The following DMRT1 variants were observed in gnomAD, a reference collection of about 807,000 sequenced individuals.
The protein encoded by DMRT1 is doublesex- and mab-3-related transcription factor 1.
In DMRT1, 7 loss-of-function variants were observed where a neutral mutation model predicts 32.3. That is an observed-to-expected ratio of 0.22 (90% CI 0.12 to 0.41). The LOEUF (loss-of-function observed/expected upper bound fraction) is 0.41. Ranked by LOEUF, DMRT1 falls within the 10% of genes least tolerant of loss-of-function variation. The pLI is 1.00. For missense variants in DMRT1, 625 were observed against 500.5 expected, an observed-to-expected ratio of 1.25 and a Z score of -2.37; for synonymous variants, 278 against 206.1, an observed-to-expected ratio of 1.35 and a Z score of -2.99.
At position 896,299 on chromosome 9, in the gene DMRT1, T is replaced by C. The variant is rs1342153352; in HGVS notation, c.822+2104T>C. Among the ~76,000 whole-genome samples, 14 of 147,662 alleles carry C rather than the reference T, an allele frequency of 9.5e-5. 1 individual carries two copies. The highest frequency in any genetic ancestry group is 6.0e-4 in the Admixed American group (9 of 14,880). On this transcript the variant is annotated intron_variant, in intron 3 of 4. Coordinates refer to ENST00000382276, the MANE Select transcript of DMRT1 (RefSeq NM_021951.3). The stretch of plus-strand genomic sequence containing the variant: ...TCTTGTCTTTTCTTTTTTTTTTTTT[T>C]TTTTCCTGAGACAGAGTCTCACTCT...
chr9:864,790 G>A lies in DMRT1; in HGVS notation c.538+17647G>A, dbSNP rs186227398. On this transcript the variant is annotated intron_variant, in intron 2 of 4. Coordinates refer to ENST00000382276, the MANE Select transcript of DMRT1 (RefSeq NM_021951.3). Reference sequence around the variant, plus strand: ...GCTGGGATTACAGGCGTGAGCCACCGTGCCCGCCAGCCAGTATTCTTTTAA... The same window carrying A: ...GCTGGGATTACAGGCGTGAGCCACCATGCCCGCCAGCCAGTATTCTTTTAA... Among the ~76,000 whole-genome samples the A allele has an allele frequency of 7.6e-3, 1,153 of 152,122 alleles. 5 individuals are homozygous for A. The highest frequency in any genetic ancestry group is 0.012 in the Non-Finnish European group (807 of 67,960).
chr9:909,074 T>G (rs1817881456), intron 3 of DMRT1, among the ~76,000 whole-genome samples: 1 of 151,934 alleles, frequency 6.6e-6, no homozygotes, highest in Non-Finnish European at 1.5e-5. Flanking sequence ...CTTTCCTCCC[T>G]CTAGGAGGGA....
At chr9:881,401 C>G (rs1816731791) in intron 2 of DMRT1, among the ~76,000 whole-genome samples, 1 of 152,216 alleles carries the variant, frequency 6.6e-6, no homozygotes, top group Admixed American at 6.5e-5. Context: ...TACTCCTTCA[C>G]ATCACTTTCT....
chr9:936,421 T>G (rs1311569624), intron 4 of DMRT1, among the ~76,000 whole-genome samples: 1 of 152,102 alleles, frequency 6.6e-6, no homozygotes, highest in Non-Finnish European at 1.5e-5. Flanking sequence ...CTTCTTCCAC[T>G]TAACATCTCC....
chr9:904,468 A>G (rs1817696216), intron 3 of DMRT1, among the ~76,000 whole-genome samples: 1 of 152,230 alleles, frequency 6.6e-6, no homozygotes, highest in South Asian at 2.1e-4. Context: ...ATACCATAAT[A>G]GAAATAGGAT....
At position 841,763 on chromosome 9, in the gene DMRT1, C is replaced by G. The variant is rs1180356155; in HGVS notation, c.-76C>G. ...GCCTCCTCCTCCGGAGCGTCGCTGT[C>G]CGTCGGGTTCATCCCTCGCAGCAGT... On this transcript the variant is annotated 5_prime_UTR_variant, in exon 1 of 5. Coordinates refer to ENST00000382276, the MANE Select transcript of DMRT1 (RefSeq NM_021951.3). 3 of 1,552,178 alleles carry G rather than the reference C, an allele frequency of 1.9e-6. No individual in the cohort carries two copies. Among genetic ancestry groups the G allele is most frequent in the African/African-American group, 1.4e-5 (1 of 73,364 alleles).
chr9:862,753 G>A (rs1350214327), intron 2 of DMRT1, among the ~76,000 whole-genome samples: 1 of 151,882 alleles, frequency 6.6e-6, no homozygotes, highest in East Asian at 1.9e-4. Flanking sequence ...TGTTGTCAAT[G>A]GTATTCCCTT....
chr9:951,809 GGACCAGGCAAACACATAATAGA>G (rs1436857231), intron 4 of DMRT1, among the ~76,000 whole-genome samples: 1 of 152,162 alleles, frequency 6.6e-6, no homozygotes, highest in Non-Finnish European at 1.5e-5. Context: ...AAGATGCAGA[GGACCAGGCAAACACATAATAGA>G]GAAAAAATGG....
At chr9:867,643 G>A (rs1317129724) in intron 2 of DMRT1, among the ~76,000 whole-genome samples, 1 of 152,180 alleles carries the variant, frequency 6.6e-6, no homozygotes, top group Non-Finnish European at 1.5e-5. Flanking sequence ...AAGTGGTGGA[G>A]GTGGAACTCA....
At chr9:880,514 G>A (rs1816689066) in intron 2 of DMRT1, among the ~76,000 whole-genome samples, 1 of 151,814 alleles carries the variant, frequency 6.6e-6, no homozygotes, top group South Asian at 2.1e-4. Flanking sequence ...ATCACCTGAG[G>A]TCAGGAGTTC....
chr9:911,046 C>A (rs536990080), intron 3 of DMRT1, among the ~76,000 whole-genome samples: 7 of 152,210 alleles, frequency 4.6e-5, no homozygotes, highest in African/African-American at 1.7e-4. Context: ...TTTCTTCTAG[C>A]TGGAGGTGAG....
chr9:968,255 G>T lies in DMRT1; in HGVS notation c.*116G>T. 1 of 1,318,136 alleles carries T rather than the reference G, an allele frequency of 7.6e-7. No homozygotes were observed. The highest frequency in any genetic ancestry group is 1.1e-6 in the Non-Finnish European group (1 of 948,422). The allele number at this position is 1,318,136 out of a possible 1,614,324, so 81.7% of individuals were successfully genotyped here. ...TATCTTAACTGTTGAGAACGTATTT[G>T]GTTTATATTCCTTAGAGTTTAGTCC... On this transcript the variant is annotated 3_prime_UTR_variant, in exon 5 of 5. Coordinates refer to ENST00000382276, the MANE Select transcript of DMRT1 (RefSeq NM_021951.3).
intron 4 of DMRT1, among the ~76,000 whole-genome samples, chr9:928,238 G>C (rs10977559): frequency 1.4e-4 from 21 of 152,202 alleles, no homozygotes; most frequent in African/African-American, 4.1e-4. Context: ...ATAATATTCA[G>C]AGACAGCAGC....
chr9:871,499 ATTTTTTTTTTTT>A (rs56390211), intron 2 of DMRT1, among the ~76,000 whole-genome samples: 1 of 115,094 alleles, frequency 8.7e-6, no homozygotes, highest in Non-Finnish European at 1.7e-5. Context: ...CGCCCGGCTA[ATTTTTTTTTTTT>A]TTTTTTTTTT....
At chr9:915,312 A>T (rs1007601329) in intron 3 of DMRT1, among the ~76,000 whole-genome samples, 1 of 152,226 alleles carries the variant, frequency 6.6e-6, no homozygotes, top group Non-Finnish European at 1.5e-5. Context: ...CAGAGTCATC[A>T]GGGCCAGGAA....
chr9:894,799 TTTTGTTTGTTTG>T (rs1367483780), intron 3 of DMRT1: 2 of 160,100 alleles, frequency 1.2e-5, no homozygotes, highest in Admixed American at 6.0e-5. Context: ...TTGTTTTTTT[TTTTGTTTGTTTG>T]TTTGTTTTGG....
chr9:872,732 A>C (rs747366181), intron 2 of DMRT1, among the ~76,000 whole-genome samples: 2 of 152,204 alleles, frequency 1.3e-5, no homozygotes, highest in Non-Finnish European at 2.9e-5. Flanking sequence ...AGTTAATGGA[A>C]AACATTTTAT....
chr9:916,531 C>G (rs1384654651), intron 3 of DMRT1, among the ~76,000 whole-genome samples: 2 of 152,094 alleles, frequency 1.3e-5, no homozygotes, highest in East Asian at 3.9e-4. Flanking sequence ...CTATCACACC[C>G]AAACAATTTT....
chr9:875,471 C>T (rs1816457683), intron 2 of DMRT1, among the ~76,000 whole-genome samples: 1 of 152,240 alleles, frequency 6.6e-6, no homozygotes, highest in Admixed American at 6.5e-5. Context: ...GTTTTTGATA[C>T]TTGAGAGGTA....
Sources: gnomAD v4.1 joint callset for allele counts (sites outside exome capture counted in the v4.1 genomes callset) on GRCh38, gnomAD v4.1.1 for gene constraint, MANE v1.5 for transcripts, NCBI Gene and HGNC (gene_info 2026-07-23, HGNC 2026-07-21) for gene names.